The following MACROD1 variants were observed in gnomAD, a reference collection of about 807,000 sequenced individuals.
The protein encoded by MACROD1 is ADP-ribose glycohydrolase MACROD1.
In MACROD1, 31 loss-of-function variants were observed where a neutral mutation model predicts 41.4. The ratio of observed to expected loss-of-function variants is 0.75; its 90% confidence interval spans 0.56 to 1.01. The LOEUF is 1.01. Among genes scored for constraint, MACROD1 ranks in the 50% least tolerant of loss-of-function variants. The probability of loss-of-function intolerance (pLI) is 0.00; values close to 1 mark genes in which losing one functional copy is unlikely to be tolerated. For missense variants in MACROD1, 473 were observed against 460.0 expected, an observed-to-expected ratio of 1.03 and a Z score of -0.26; for synonymous variants, 252 against 203.4, an observed-to-expected ratio of 1.24 and a Z score of -2.03.
chr11:64,138,495 C>T, intron 3 of MACROD1: 1 of 984,006 alleles, frequency 1.0e-6, no homozygotes, highest in Non-Finnish European at 1.2e-6. Flanking sequence ...AGCAAGGTAG[C>T]TCTTGCTTTT....
At chr11:64,078,776 G>T (rs1207952840) in intron 3 of MACROD1, among the ~76,000 whole-genome samples, 1 of 152,006 alleles carries the variant, frequency 6.6e-6, no homozygotes, top group African/African-American at 2.4e-5. Flanking sequence ...CCAAAAGACG[G>T]GTGACTGCAG....
rs181886534 is a variant in MACROD1, at chr11:64,082,717, G to A, written c.518-67436C>T. ...GGCCCCTGGGTCTCACACAAGGAAT[G>A]TGGAGCATCCTCCTGAGAGGACTCA... On this transcript the variant is annotated intron_variant, in intron 3 of 10. Coordinates refer to ENST00000255681, the MANE Select transcript of MACROD1 (RefSeq NM_014067.4). The surrounding 1 kb of genome is among the most constrained non-coding windows in gnomAD (Gnocchi z 4.5). 1.2e-4 allele frequency among the ~76,000 whole-genome samples: 19 copies of A among 152,310 alleles called. No homozygotes were observed. Among genetic ancestry groups the A allele is most frequent in the Admixed American group, 7.8e-4 (12 of 15,306 alleles).
chr11:64,017,980 C>G (rs770466800), intron 3 of MACROD1, among the ~76,000 whole-genome samples: 3 of 152,208 alleles, frequency 2.0e-5, no homozygotes, highest in Non-Finnish European at 4.4e-5. Context: ...CCAAACTCCA[C>G]TGTGTGTGGC....
chr11:64,031,836 C>T (rs1255355919), intron 3 of MACROD1, among the ~76,000 whole-genome samples: 1 of 152,184 alleles, frequency 6.6e-6, no homozygotes, highest in African/African-American at 2.4e-5. Flanking sequence ...ATGCACAGCC[C>T]GCCTATCCAG....
intron 3 of MACROD1, chr11:64,119,231 G>C (rs185617908): frequency 1.2e-5 from 2 of 163,280 alleles, no homozygotes; most frequent in East Asian, 1.9e-4. Context: ...GGAGTGAGGT[G>C]GGGGAGGAGA....
intron 3 of MACROD1, among the ~76,000 whole-genome samples, chr11:64,148,219 A>G (rs1945523245): frequency 6.6e-6 from 1 of 152,100 alleles, no homozygotes; most frequent in South Asian, 2.1e-4. Flanking sequence ...TCAACCCCAC[A>G]GCTTTTCAGG....
chr11:64,164,378 G>C (rs781510153), intron 1 of MACROD1, among the ~76,000 whole-genome samples: 1 of 152,226 alleles, frequency 6.6e-6, no homozygotes, highest in Non-Finnish European at 1.5e-5. Context: ...GGCAGCCCTC[G>C]AGCAGGTGCC....
chr11:64,137,273 A>G (rs1345618655), intron 3 of MACROD1, among the ~76,000 whole-genome samples: 1 of 152,144 alleles, frequency 6.6e-6, no homozygotes, highest in Non-Finnish European at 1.5e-5. Flanking sequence ...ATAGGAGGGC[A>G]GCGGCGGGGG....
intron 3 of MACROD1, chr11:64,116,326 C>CAT: frequency 6.2e-7 from 1 of 1,610,334 alleles, no homozygotes. Flanking sequence ...ACTGTCACGG[C>CAT]CACCGTTGTG....
chr11:64,005,986 C>A (rs1263580461), intron 4 of MACROD1, among the ~76,000 whole-genome samples: 2 of 152,246 alleles, frequency 1.3e-5, no homozygotes, highest in Non-Finnish European at 2.9e-5. Flanking sequence ...AGCCTCGGTG[C>A]AGCCCATGCT....
chr11:64,022,782 G>C (rs1476272687), intron 3 of MACROD1, among the ~76,000 whole-genome samples: 1 of 152,136 alleles, frequency 6.6e-6, no homozygotes, highest in Admixed American at 6.5e-5. Context: ...TCCAGGCTGG[G>C]GAGCCAGGGG....
At chr11:64,074,011 T>C (rs1474334649) in intron 3 of MACROD1, among the ~76,000 whole-genome samples, 1 of 152,134 alleles carries the variant, frequency 6.6e-6, no homozygotes, top group East Asian at 1.9e-4. Flanking sequence ...GGCCAGGCCC[T>C]GAGTCCCCAG....
chr11:64,133,940 G>A (rs1945299288), intron 3 of MACROD1, among the ~76,000 whole-genome samples: 1 of 152,240 alleles, frequency 6.6e-6, no homozygotes, highest in Non-Finnish European at 1.5e-5. Flanking sequence ...AGGACGGTCG[G>A]AGTCAGCCAA....
intron 3 of MACROD1, among the ~76,000 whole-genome samples, chr11:64,088,054 C>T (rs1029253982): frequency 3.9e-5 from 6 of 152,180 alleles, no homozygotes; most frequent in African/African-American, 1.4e-4. Flanking sequence ...GTCACTGGCT[C>T]TCTGGGCCTC....
intron 3 of MACROD1, among the ~76,000 whole-genome samples, chr11:64,150,832 T>C (rs1945563813): frequency 6.6e-6 from 1 of 152,016 alleles, no homozygotes; most frequent in African/African-American, 2.4e-5. Context: ...CCACTATCCC[T>C]CGACAAGCTC....
rs1944577232 is a variant in MACROD1 at position 64,096,418 on chromosome 11, C to T, written c.517+54821G>A. On this transcript the variant is annotated intron_variant, in intron 3 of 10. Transcript: ENST00000255681. The surrounding 1 kb of genome is among the most constrained non-coding windows in gnomAD (Gnocchi z 4.6). ...AGGCAAGTGGTCGTTCCTGTCCCCTCTTTTTTTTTTTTGAGACTGAGTCTC... is the reference window on the plus strand; with the variant it reads ...AGGCAAGTGGTCGTTCCTGTCCCCTTTTTTTTTTTTTTGAGACTGAGTCTC... 6.9e-6 allele frequency among the ~76,000 whole-genome samples: 1 copy of T among 145,664 alleles called. No homozygotes were observed. The highest frequency in any genetic ancestry group is 2.0e-4 in the East Asian group (1 of 5,036).
At chr11:64,063,978 C>T (rs898244539) in intron 3 of MACROD1, among the ~76,000 whole-genome samples, 2 of 152,166 alleles carry the variant, frequency 1.3e-5, no homozygotes, top group African/African-American at 4.8e-5. Flanking sequence ...GAATCGCATC[C>T]GAGTGACGGC....
intron 9 of MACROD1, 25 bp from the exon 10 acceptor site, chr11:63,998,897 C>T (rs779764341): frequency 3.1e-6 from 5 of 1,593,348 alleles, no homozygotes; most frequent in Middle Eastern, 2.2e-4. Flanking sequence ...ACAGTGAGAG[C>T]CCGCCCCCAG....
rs1944477074 is a variant in MACROD1 at position 64,090,827 on chromosome 11, C to CTTTT, written c.517+60411_517+60412insAAAA. ...TCTGGGGCTCTGCAGAAGCAGAGCC[C>CTTTT]GAGTCGGGTCCAGCCCTGCACTCCC... On this transcript the variant is annotated intron_variant, in intron 3 of 10. Coordinates refer to ENST00000255681, the MANE Select transcript of MACROD1 (RefSeq NM_014067.4). This position sits in a 1 kb window ranked among gnomAD's most constrained non-coding sequence, Gnocchi z 4.7. 6.6e-6 allele frequency among the ~76,000 whole-genome samples: 1 copy of CTTTT among 151,930 alleles called. No homozygotes were observed. Among genetic ancestry groups the CTTTT allele is most frequent in the African/African-American group, 2.4e-5 (1 of 41,358 alleles).
Sources: allele counts gnomAD v4.1 joint callset (sites outside exome capture counted in the v4.1 genomes callset), GRCh38; gene constraint gnomAD v4.1.1; non-coding constraint Gnocchi (gnomAD v3.1); transcripts MANE v1.5; gene names NCBI Gene and HGNC (gene_info 2026-07-23, HGNC 2026-07-21).